Variants in CTNND2 observed in about 807,000 individuals in gnomAD.
CTNND2 encodes catenin delta-2.
In CTNND2, 22 loss-of-function variants were observed where a neutral mutation model predicts 144.4. That is an observed-to-expected ratio of 0.15 (90% CI 0.11 to 0.22). The LOEUF (loss-of-function observed/expected upper bound fraction) is 0.22, where lower values mean the gene tolerates loss of function less well. Ranked by LOEUF, CTNND2 falls within the 10% of genes least tolerant of loss-of-function variation. The probability of loss-of-function intolerance (pLI) is 1.00; values close to 1 mark genes in which losing one functional copy is unlikely to be tolerated. For synonymous variants in CTNND2, 751 were observed against 695.6 expected, an observed-to-expected ratio of 1.08 and a Z score of -1.25; for missense variants, 1,353 against 1,618.8, an observed-to-expected ratio of 0.84 and a Z score of 2.82.
chr5:11,378,455 A>T (rs940020796), intron 7 of CTNND2, among the ~76,000 whole-genome samples: 1 of 152,256 alleles, frequency 6.6e-6, no homozygotes, highest in East Asian at 1.9e-4. Flanking sequence ...ACAAGGTTAA[A>T]GTTGATTGAT....
intron 3 of CTNND2, among the ~76,000 whole-genome samples, chr5:11,414,923 C>G (rs1298428704): frequency 6.6e-6 from 1 of 152,230 alleles, no homozygotes; most frequent in South Asian, 2.1e-4. Flanking sequence ...CTGCAAAGGA[C>G]ATGATCTCAT....
At chr5:11,311,632 C>T (rs937315764) in intron 9 of CTNND2, among the ~76,000 whole-genome samples, 1 of 150,140 alleles carries the variant, frequency 6.7e-6, no homozygotes, top group African/African-American at 2.5e-5. Flanking sequence ...CCTCACCCCA[C>T]ATGCACTCAC....
At chr5:11,376,135 T>C (rs1221813594) in intron 7 of CTNND2, among the ~76,000 whole-genome samples, 1 of 152,186 alleles carries the variant, frequency 6.6e-6, no homozygotes, top group Non-Finnish European at 1.5e-5. Context: ...ACCTTTATTT[T>C]GGACTTTCCA....
At chr5:11,299,909 C>T (rs905056087) in intron 9 of CTNND2, among the ~76,000 whole-genome samples, 4 of 152,076 alleles carry the variant, frequency 2.6e-5, no homozygotes, top group African/African-American at 9.7e-5. Context: ...TGCCTCAGTG[C>T]TCTGATATGC....
At chr5:11,448,188 A>C (rs1341594703) in intron 3 of CTNND2, among the ~76,000 whole-genome samples, 1 of 152,234 alleles carries the variant, frequency 6.6e-6, no homozygotes, top group Non-Finnish European at 1.5e-5. Flanking sequence ...TGGTTATACC[A>C]AACGATTTAC....
chr5:11,177,361 C>A (rs1760576230), intron 11 of CTNND2, among the ~76,000 whole-genome samples: 1 of 152,118 alleles, frequency 6.6e-6, no homozygotes, highest in Non-Finnish European at 1.5e-5. Flanking sequence ...CAGTTTCTTA[C>A]TATGTATCTA....
intron 1 of CTNND2, among the ~76,000 whole-genome samples, chr5:11,884,393 A>C (rs1294066888): frequency 6.6e-6 from 1 of 152,102 alleles, no homozygotes; most frequent in African/African-American, 2.4e-5. Flanking sequence ...TTTCCTACAT[A>C]TGGCTGGCCA....
chr5:11,657,347 A>G (rs1043858474), intron 2 of CTNND2, among the ~76,000 whole-genome samples: 1 of 152,172 alleles, frequency 6.6e-6, no homozygotes, highest in Non-Finnish European at 1.5e-5. Flanking sequence ...CAAAAGGTAT[A>G]AAATAAACAC....
intron 9 of CTNND2, among the ~76,000 whole-genome samples, chr5:11,275,666 T>G (rs1317455499): frequency 6.6e-6 from 1 of 152,188 alleles, no homozygotes; most frequent in Admixed American, 6.5e-5. Context: ...TTCTCTCCCT[T>G]AAACCTTTCT....
intron 2 of CTNND2, among the ~76,000 whole-genome samples, chr5:11,574,954 C>T (rs377345154): frequency 1.4e-4 from 22 of 152,218 alleles, no homozygotes; most frequent in African/African-American, 5.3e-4. Context: ...ATTTCCTCTT[C>T]TCTATCCTTT....
In CTNND2 at chr5:11,603,516, C is replaced by T. The variant is rs540328909; in HGVS notation, c.175-38460G>A. Among the ~76,000 whole-genome samples, 17 of 152,250 alleles carry T rather than the reference C, an allele frequency of 1.1e-4. No homozygotes were observed. In the South Asian group the frequency reaches 3.5e-3, roughly 32 times the overall value. Reference sequence around the variant, plus strand: ...TTACCCTGCCACATTCCTGCTTTGACAGTGAAATAGACTAGAGGCCTCAAA... The same window carrying T: ...TTACCCTGCCACATTCCTGCTTTGATAGTGAAATAGACTAGAGGCCTCAAA... On this transcript the variant is annotated intron_variant, in intron 2 of 21. Transcript: ENST00000304623.
chr5:11,748,164 T>C (rs1048754073), intron 1 of CTNND2, among the ~76,000 whole-genome samples: 3 of 152,126 alleles, frequency 2.0e-5, no homozygotes, highest in African/African-American at 7.2e-5. Context: ...TTAGCAGTTT[T>C]TTAAATAAAT....
At chr5:11,631,788 G>A (rs1781428261) in intron 2 of CTNND2, among the ~76,000 whole-genome samples, 1 of 152,162 alleles carries the variant, frequency 6.6e-6, no homozygotes, top group South Asian at 2.1e-4. Context: ...CCTTGCCCCA[G>A]CTTGCTCCTC....
At chr5:11,399,507 T>C (rs1760446668) in intron 5 of CTNND2, among the ~76,000 whole-genome samples, 3 of 152,224 alleles carry the variant, frequency 2.0e-5, no homozygotes, top group Admixed American at 1.3e-4. Context: ...AATAGACTCA[T>C]ACAATTATCT....
chr5:11,223,400 A>G (rs921787181), intron 10 of CTNND2, among the ~76,000 whole-genome samples: 3 of 152,218 alleles, frequency 2.0e-5, no homozygotes, highest in African/African-American at 7.2e-5. Context: ...GTTGGGGAAG[A>G]AGATGCCAGT....
chr5:11,293,184 A>G (rs1221006331), intron 9 of CTNND2, among the ~76,000 whole-genome samples: 1 of 152,194 alleles, frequency 6.6e-6, no homozygotes, highest in Non-Finnish European at 1.5e-5. Context: ...ATAGCAGAGC[A>G]AACCAAAACA....
intron 17 of CTNND2, among the ~76,000 whole-genome samples, chr5:11,018,900 G>C (rs1216611911): frequency 6.6e-6 from 1 of 151,874 alleles, no homozygotes; most frequent in African/African-American, 2.4e-5. Flanking sequence ...GTAGAGATGG[G>C]GTTTCACCAT....
intron 1 of CTNND2, among the ~76,000 whole-genome samples, chr5:11,810,896 G>T (rs1254957472): frequency 2.0e-5 from 3 of 152,028 alleles, no homozygotes; most frequent in African/African-American, 7.2e-5. Flanking sequence ...TTTATGACAT[G>T]CAACAGAGAA....
At chr5:11,320,775 C>T (rs557604777) in intron 9 of CTNND2, among the ~76,000 whole-genome samples, 4 of 152,230 alleles carry the variant, frequency 2.6e-5, no homozygotes, top group South Asian at 2.1e-4. Context: ...TCCCACAACA[C>T]GTGGGAGGTA....
Sources: gnomAD v4.1 joint callset for allele counts (sites outside exome capture counted in the v4.1 genomes callset) on GRCh38, gnomAD v4.1.1 for gene constraint, MANE v1.5 for transcripts, NCBI Gene and HGNC (gene_info 2026-07-23, HGNC 2026-07-21) for gene names.